Variants in ETNPPL observed in about 807,000 individuals in gnomAD.
ETNPPL encodes alanine--glyoxylate aminotransferase 2-like 1.
Under a neutral mutation model 55.5 loss-of-function variants are expected in ETNPPL, and 30 were observed. That is an observed-to-expected ratio of 0.54 (90% CI 0.40 to 0.73). ETNPPL has a LOEUF of 0.73. Among genes scored for constraint, ETNPPL ranks in the 30% least tolerant of loss-of-function variants. The pLI is 0.00. For synonymous variants in ETNPPL, 202 were observed against 207.2 expected (o/e 0.98, Z 0.21); for missense variants, 528 against 607.9 (o/e 0.87, Z 1.38).
rs369004059 is a variant in ETNPPL at position 108,749,899 on chromosome 4, A to AG, written c.702-437dup. The stretch of plus-strand genomic sequence containing the variant: ...ATATTTTTAAAAAGGTTTTGTAGAG[A>AG]GGGGGGTCTTGCTATGTTGCCCAGC... On this transcript the variant is annotated intron_variant, in intron 7 of 12. Transcript: ENST00000296486. Among the ~76,000 whole-genome samples, 6 of 152,022 alleles carry AG rather than the reference A, an allele frequency of 3.9e-5. No homozygotes were observed. In the East Asian group the frequency reaches 9.6e-4, roughly 24 times the overall value.
chr4:108,754,830 C>T (rs1400202068), intron 4 of ETNPPL, 120 bp from the exon 5 acceptor site: 2 of 674,888 alleles, frequency 3.0e-6, no homozygotes, highest in East Asian at 5.4e-5. Context: ...AATCTCAACA[C>T]TGGTGCCAGA....
At chr4:108,762,492 C>G in intron 1 of ETNPPL, 1 of 661,804 alleles carries the variant, frequency 1.5e-6, no homozygotes, top group East Asian at 2.9e-5. Context: ...GGTGGCGGAG[C>G]GCTATCCTTC....
At chr4:108,756,384 C>A (rs773850030) in intron 4 of ETNPPL, 34 bp downstream of exon 4, 2 of 1,510,098 alleles carry the variant, frequency 1.3e-6, no homozygotes, top group Non-Finnish European at 9.2e-7. Context: ...TCTGAAGAAG[C>A]TTCTTGCTTA....
At chr4:108,759,589 A>G (rs983619074) in intron 3 of ETNPPL, among the ~76,000 whole-genome samples, 160 bp downstream of exon 3, 2 of 152,166 alleles carry the variant, frequency 1.3e-5, no homozygotes, top group Non-Finnish European at 2.9e-5. Context: ...TGGGAGAACC[A>G]GAAAGGCTAG....
At chr4:108,748,675 A>G (rs1438148747) in intron 8 of ETNPPL, among the ~76,000 whole-genome samples, 1 of 152,216 alleles carries the variant, frequency 6.6e-6, no homozygotes, top group Non-Finnish European at 1.5e-5. Context: ...CCCAAAGATA[A>G]AAATTTAGTA....
In ETNPPL at chr4:108,760,221, G is replaced by C. The variant is rs767197265; in HGVS notation, c.142C>G (p.Gln48Glu). The change falls in exon 2 of 13, where the codon CAG becomes GAG. Residue 48 changes from glutamine (Q) to glutamate (E), a missense_variant. Transcript: ENST00000296486. Reference sequence around the variant, plus strand: ...ACATTGTTGATGCAGTCCAAGTACTGTTCACCGTTCTCATCAAACATGTAC... The same window carrying C: ...ACATTGTTGATGCAGTCCAAGTACTCTTCACCGTTCTCATCAAACATGTAC... The part of the protein sequence containing the change: ...RQYMFDENGE[Q>E]YLDCINNVAH... 1.9e-6 allele frequency: 3 copies of C among 1,610,422 alleles called. No homozygotes were observed. The highest frequency in any genetic ancestry group is 2.5e-6 in the Non-Finnish European group (3 of 1,176,844).
intron 6 of ETNPPL, among the ~76,000 whole-genome samples, chr4:108,751,224 G>C (rs1578384902): frequency 6.6e-6 from 1 of 152,286 alleles, no homozygotes; most frequent in African/African-American, 2.4e-5. Flanking sequence ...TGAAAATCTA[G>C]GGTACCAATA....
At position 108,762,973 on chromosome 4, in the gene ETNPPL, CT is replaced by C; in HGVS notation, c.-76del. 6.8e-7 allele frequency: 1 copy of C among 1,468,714 alleles called. No individual in the cohort carries two copies. The highest frequency in any genetic ancestry group is 9.5e-7 in the Non-Finnish European group (1 of 1,054,256). The allele number at this position is 1,468,714 out of a possible 1,614,324, so 91.0% of individuals were successfully genotyped here. ...GCCTCCTACGCGAGCCTGGGACTGC[CT>C]TGGCGGCCCCGGCCGGCCTTCCTCC... On this transcript the variant is annotated 5_prime_UTR_variant, in exon 1 of 13. Coordinates refer to ENST00000296486, the MANE Select transcript of ETNPPL (RefSeq NM_031279.4).
chr4:108,761,876 G>A (rs1044732670), intron 1 of ETNPPL, among the ~76,000 whole-genome samples: 1 of 152,194 alleles, frequency 6.6e-6, no homozygotes, highest in Non-Finnish European at 1.5e-5. Flanking sequence ...CCTCCGAAGA[G>A]GATGCGGATT....
chr4:108,747,870 TTG>T (rs1333102497), intron 9 of ETNPPL, 133 bp downstream of exon 9: 9 of 662,116 alleles, frequency 1.4e-5, no homozygotes, highest in Non-Finnish European at 2.0e-5. Flanking sequence ...CTGGGACTAT[TTG>T]TGTGTGCCAC....
chr4:108,757,114 A>G (rs1237842606), intron 3 of ETNPPL, among the ~76,000 whole-genome samples: 3 of 152,294 alleles, frequency 2.0e-5, no homozygotes, highest in Admixed American at 1.3e-4. Flanking sequence ...TGATCTCCAC[A>G]GGAGGAATGG....
At chr4:108,760,108 C>G (rs986499341) in intron 2 of ETNPPL, 80 bp downstream of exon 2, 1 of 1,185,856 alleles carries the variant, frequency 8.4e-7, no homozygotes, top group Non-Finnish European at 1.2e-6. Context: ...CTGCAATTCC[C>G]CAAACAAAAA....
At chr4:108,744,663 T>C (rs1446348805) in intron 11 of ETNPPL, among the ~76,000 whole-genome samples, 1 of 152,104 alleles carries the variant, frequency 6.6e-6, no homozygotes, top group Non-Finnish European at 1.5e-5. Context: ...ATTCCTAGCT[T>C]CTTGGCTTTA....
chr4:108,758,387 A>G (rs1729330323), intron 3 of ETNPPL, among the ~76,000 whole-genome samples: 4 of 152,214 alleles, frequency 2.6e-5, no homozygotes, highest in Admixed American at 2.6e-4. Context: ...ATGCATTTGC[A>G]AAAACATACT....
Position 108,759,892 on chromosome 4 carries a change from T to C in ETNPPL, c.192A>G (p.Pro64=). ...GTTTCAGGGCAGCTTTGACCACTCC[T>C]GGGTGACAGTGTCCCACTAAAATTT... is the stretch of plus-strand genomic sequence containing the variant. ...NNVAHVGHCH[P]GVVKAALKQM... Residue 64 remains proline (P), a synonymous_variant, in exon 3 of 13, where the codon CCA becomes CCG. Transcript: ENST00000296486. 6.2e-7 allele frequency: 1 copy of C among 1,613,928 alleles called. No individual in the cohort carries two copies.
chr4:108,757,149 C>T (rs1729246319), intron 3 of ETNPPL, among the ~76,000 whole-genome samples: 1 of 152,204 alleles, frequency 6.6e-6, no homozygotes, highest in Non-Finnish European at 1.5e-5. Flanking sequence ...ATTAGCTTGG[C>T]TGCCAACCCT....
At chr4:108,745,978 T>C (rs1011389801) in intron 11 of ETNPPL, among the ~76,000 whole-genome samples, 1 of 149,852 alleles carries the variant, frequency 6.7e-6, no homozygotes, top group African/African-American at 2.5e-5. Flanking sequence ...ATTCAGCATA[T>C]AGCAAAGAAC....
At chr4:108,747,146 ATAAT>A (rs1458769769) in intron 9 of ETNPPL, among the ~76,000 whole-genome samples, 534 of 26,802 alleles carry the variant, frequency 0.02, 53 homozygotes, top group African/African-American at 0.074. Flanking sequence ...ATATATATAT[ATAAT>A]ATATATATAT....
intron 9 of ETNPPL, 135 bp downstream of exon 9, chr4:108,747,870 T>A: frequency 1.5e-6 from 1 of 662,234 alleles, no homozygotes; most frequent in South Asian, 2.0e-5. Flanking sequence ...CTGGGACTAT[T>A]TGTGTGTGCC....
Sources: gnomAD v4.1 joint callset for allele counts (sites outside exome capture counted in the v4.1 genomes callset) on GRCh38, gnomAD v4.1.1 for gene constraint, MANE v1.5 for transcripts, NCBI Gene and HGNC (gene_info 2026-07-23, HGNC 2026-07-21) for gene names.